Variants in ROBO1 observed in about 807,000 individuals in gnomAD.
ROBO1 encodes the protein roundabout guidance receptor 1.
In ROBO1, 149 loss-of-function variants were observed where a neutral mutation model predicts 195.9. The observed-to-expected ratio is 0.76, with a 90% confidence interval of 0.67 to 0.87. The LOEUF is 0.87. Among genes scored for constraint, ROBO1 ranks in the 40% least tolerant of loss-of-function variants. ROBO1 has a pLI of 0.00. For synonymous variants in ROBO1, 816 were observed against 733.2 expected (o/e 1.11, Z -1.82); for missense variants, 1,933 against 2,068.3 (o/e 0.93, Z 1.27).
intron 19 of ROBO1, 101 bp from the exon 20 acceptor site, chr3:78,647,756 A>G: frequency 6.0e-6 from 6 of 998,974 alleles, no homozygotes; most frequent in Non-Finnish European, 4.8e-6. Flanking sequence ...ACATAAAACA[A>G]ATGTAAATAA....
intron 2 of ROBO1, among the ~76,000 whole-genome samples, chr3:79,445,850 C>T (rs1359356366): frequency 6.6e-6 from 1 of 152,058 alleles, no homozygotes; most frequent in African/African-American, 2.4e-5. Flanking sequence ...GACGGTGTTT[C>T]ACCGTGTTAG....
At chr3:78,766,493 T>TTA (rs1370434947) in intron 4 of ROBO1, among the ~76,000 whole-genome samples, 1 of 152,202 alleles carries the variant, frequency 6.6e-6, no homozygotes, top group Non-Finnish European at 1.5e-5. Context: ...CTGAATTCTT[T>TTA]TATCAGTTCT....
intron 2 of ROBO1, among the ~76,000 whole-genome samples, chr3:79,180,613 A>G (rs560875966): frequency 1.3e-5 from 2 of 152,312 alleles, no homozygotes; most frequent in Admixed American, 1.3e-4. Flanking sequence ...ATACCTATAT[A>G]CCATTTCTCA....
intron 2 of ROBO1, among the ~76,000 whole-genome samples, chr3:79,270,026 T>C (rs1282331542): frequency 1.3e-5 from 2 of 151,956 alleles, no homozygotes; most frequent in African/African-American, 4.8e-5. Context: ...TTAATCATGA[T>C]ACAAAGTGTC....
rs1704191531 is a variant in ROBO1, at chr3:78,617,641, C to G, written c.4276G>C (p.Ala1426Pro). ...LKVARRQMQD[A>P]AGRRHFHASQ... is the part of the protein sequence containing the mutation. The stretch of plus-strand genomic sequence containing the variant: ...GAAAAGTGTTAGGACTCACCAGCAG[C>G]ATCCTGCATTTGCCGTCGTGCTACT... Residue 1426 changes from alanine to proline, a missense_variant, in exon 27 of 31, where the codon GCT becomes CCT. Coordinates refer to ENST00000464233, the MANE Select transcript of ROBO1 (RefSeq NM_002941.4). 2 of 1,608,346 alleles carry G rather than the reference C, an allele frequency of 1.2e-6. No homozygotes were observed. The highest frequency in any genetic ancestry group is 2.7e-5 in the African/African-American group (2 of 75,000).
chr3:78,799,584 A>G (rs11915496), intron 4 of ROBO1, among the ~76,000 whole-genome samples: 1,643 of 151,616 alleles, frequency 0.011, 19 homozygotes, highest in African/African-American at 0.036. Flanking sequence ...CTCGTGATCC[A>G]CCCACCTTGG....
At chr3:78,842,529 A>T (rs1460351013) in intron 4 of ROBO1, among the ~76,000 whole-genome samples, 1 of 117,934 alleles carries the variant, frequency 8.5e-6, no homozygotes, top group Admixed American at 9.1e-5. Flanking sequence ...AGCCATATAT[A>T]TTTTTATATA....
intron 1 of ROBO1, among the ~76,000 whole-genome samples, chr3:79,701,732 G>T (rs7428431): frequency 0.96 from 144,989 of 151,734 alleles, 69,345 homozygotes; most frequent in East Asian, 1. Context: ...CTAGCACCAA[G>T]TGAGATGTAC....
intron 2 of ROBO1, among the ~76,000 whole-genome samples, chr3:79,573,713 A>AT (rs1216206985): frequency 6.6e-6 from 1 of 152,130 alleles, no homozygotes; most frequent in Non-Finnish European, 1.5e-5. Context: ...AAACCAGTTC[A>AT]TTTTTTAATT....
chr3:79,527,040 A>G (rs1203476276), intron 2 of ROBO1, among the ~76,000 whole-genome samples: 2 of 152,176 alleles, frequency 1.3e-5, no homozygotes, highest in Non-Finnish European at 2.9e-5. Flanking sequence ...ATGAAAGTTA[A>G]TGACAATTAT....
Position 78,925,620 on chromosome 3 carries a change from T to C in ROBO1, c.499+12981A>G, listed in dbSNP as rs547995472. On this transcript the variant is annotated intron_variant, in intron 4 of 30. Transcript: ENST00000464233. Reference sequence around the variant, plus strand: ...AAGAATCTTTGTATACAATCTTTTATTGACAAAAAATTAATAATAATACTT... The same window carrying C: ...AAGAATCTTTGTATACAATCTTTTACTGACAAAAAATTAATAATAATACTT... Among the ~76,000 whole-genome samples the C allele has an allele frequency of 3.3e-5, 5 of 152,322 alleles. No individual in the cohort carries two copies. In the East Asian group the frequency reaches 9.7e-4, roughly 29 times the overall value.
intron 2 of ROBO1, among the ~76,000 whole-genome samples, chr3:79,167,726 C>G (rs1326892194): frequency 6.6e-6 from 1 of 152,188 alleles, no homozygotes; most frequent in Non-Finnish European, 1.5e-5. Context: ...GAGCATTCTG[C>G]CTTGGTAATT....
At chr3:79,046,190 C>G (rs2078588378) in intron 3 of ROBO1, among the ~76,000 whole-genome samples, 1 of 152,116 alleles carries the variant, frequency 6.6e-6, no homozygotes, top group Admixed American at 6.6e-5. Context: ...CTGAGGGAAA[C>G]CAGCCGCCAT....
At chr3:79,354,048 A>C (rs536060191) in intron 2 of ROBO1, among the ~76,000 whole-genome samples, 28 of 103,206 alleles carry the variant, frequency 2.7e-4, no homozygotes, top group East Asian at 1.1e-3. Context: ...CTGTCTCACA[A>C]AAAAAAAAAA....
intron 2 of ROBO1, among the ~76,000 whole-genome samples, chr3:79,126,526 T>C (rs556004980): frequency 1.3e-5 from 2 of 152,278 alleles, no homozygotes; most frequent in East Asian, 3.9e-4. Context: ...GAGCAGTGTT[T>C]ATAGGTCTGC....
At chr3:79,451,692 G>A (rs1442661889) in intron 2 of ROBO1, among the ~76,000 whole-genome samples, 1 of 152,006 alleles carries the variant, frequency 6.6e-6, no homozygotes, top group Non-Finnish European at 1.5e-5. Context: ...TTAAAATATG[G>A]TGAAGGTTAC....
chr3:79,335,295 G>C (rs553257475), intron 2 of ROBO1, among the ~76,000 whole-genome samples: 1 of 152,034 alleles, frequency 6.6e-6, no homozygotes. Context: ...CAAGAAATTT[G>C]TACAGGGAGT....
intron 3 of ROBO1, among the ~76,000 whole-genome samples, chr3:79,105,168 G>C (rs1247631217): frequency 6.6e-6 from 1 of 151,774 alleles, no homozygotes; most frequent in African/African-American, 2.4e-5. Context: ...AAAGATTTCT[G>C]TTTAACACAC....
In ROBO1 at chr3:78,614,698, T is replaced by C; in HGVS notation, c.4385A>G (p.Lys1462Arg). 1.2e-6 allele frequency: 2 copies of C among 1,613,820 alleles called. No homozygotes were observed. The highest frequency in any genetic ancestry group is 1.7e-4 in the Middle Eastern group (1 of 6,058). ...AAVMQKTRPA[K>R]KLKHQPGHLR... ...ATGTCCTGGCTGGTGTTTCAGTTTC[T>C]TGGCTGGTCTGGTTTTCTGCATTAC... is the stretch of plus-strand genomic sequence containing the variant. Residue 1462 changes from lysine to arginine, a missense_variant, in exon 28 of 31, where the codon AAG (lysine) becomes AGG (arginine). This residue lies in a region of ROBO1 where 1,737 missense variants were observed against 1,882.5 expected (regional missense o/e 0.92). Coordinates refer to ENST00000464233, the MANE Select transcript of ROBO1 (RefSeq NM_002941.4).
Sources: gnomAD v4.1 joint callset for allele counts (sites outside exome capture counted in the v4.1 genomes callset) on GRCh38, gnomAD v4.1.1 for gene constraint, gnomAD v4.1.1 regional missense constraint, MANE v1.5 for transcripts, NCBI Gene and HGNC (gene_info 2026-07-23, HGNC 2026-07-21) for gene names.